RUNDC3B: variants seen among roughly 807,000 people sequenced by gnomAD.
RUNDC3B encodes RUN domain containing 3B.
RUNDC3B carries 33 observed loss-of-function variants against 58.4 expected under a neutral mutation model. The ratio of observed to expected loss-of-function variants is 0.56; its 90% CI spans 0.43 to 0.75. The LOEUF (loss-of-function observed/expected upper bound fraction) is 0.75, where lower values mean the gene tolerates loss of function less well. Ranked by LOEUF, RUNDC3B falls within the 30% of genes least tolerant of loss-of-function variation. RUNDC3B has a pLI of 0.00. For synonymous variants in RUNDC3B, 193 were observed against 195.2 expected (o/e 0.99, Z 0.10); for missense variants, 501 against 535.7 (o/e 0.94, Z 0.64).
At position 87,741,555 on chromosome 7, in the gene RUNDC3B, C is replaced by T. The variant is rs1832326440; in HGVS notation, c.605C>T (p.Thr202Ile). 1 of 1,584,672 alleles carries T rather than the reference C, an allele frequency of 6.3e-7. No homozygotes were observed. Among genetic ancestry groups the T allele is most frequent in the Non-Finnish European group, 8.6e-7 (1 of 1,158,778 alleles). ...AGTTTTCCTGCTGTAATAGACTATA[C>T]ACCATATTTGAAGTATATCCAAAGG... ...DGSFPAVIDYTPYLKYIQSSD... is the reference protein window; with the variant it reads ...DGSFPAVIDYIPYLKYIQSSD... The change falls in exon 6 of 11, where the codon ACA becomes ATA. Residue 202 changes from threonine (T) to isoleucine (I), a missense_variant. Physicochemically the swap from Thr to Ile is moderately conservative, Grantham distance 89. Transcript: ENST00000394654.
At chr7:87,764,411 C>CT (rs1270318633) in intron 6 of RUNDC3B, among the ~76,000 whole-genome samples, 1 of 151,762 alleles carries the variant, frequency 6.6e-6, no homozygotes, top group Admixed American at 6.6e-5. Flanking sequence ...TGAATGAGCT[C>CT]TTTTGAAAAA....
rs185933515 is a variant in RUNDC3B, at chr7:87,759,572, G to A, written c.630-11009G>A. Among the ~76,000 whole-genome samples the A allele has an allele frequency of 1.2e-3, 180 of 152,126 alleles. 1 individual carries two copies. The highest frequency in any genetic ancestry group is 1.3e-4 in the Non-Finnish European group (9 of 67,982). On this transcript the variant is annotated intron_variant, in intron 6 of 10. Transcript: ENST00000394654. ...AGTACTTTGGGAGTCTGAGGCAGGG[G>A]GATCACTTGAGGCCAGGAGTTCAAG...
intron 4 of RUNDC3B, among the ~76,000 whole-genome samples, chr7:87,733,496 C>G (rs1831723324): frequency 6.6e-6 from 1 of 152,072 alleles, no homozygotes; most frequent in South Asian, 2.1e-4. Flanking sequence ...TCAGAGGACA[C>G]CATAAAGAAG....
intron 8 of RUNDC3B, among the ~76,000 whole-genome samples, chr7:87,805,221 T>C (rs924596832): frequency 6.6e-6 from 1 of 152,192 alleles, no homozygotes; most frequent in Non-Finnish European, 1.5e-5. Context: ...AAACAGACTC[T>C]AGTCAAGATT....
intron 7 of RUNDC3B, among the ~76,000 whole-genome samples, chr7:87,774,577 G>T (rs1834513931): frequency 1.3e-5 from 2 of 151,970 alleles, no homozygotes; most frequent in South Asian, 2.1e-4. Context: ...AATTATTAGA[G>T]AATATTTTAA....
At chr7:87,695,704 A>G (rs1828440350) in intron 2 of RUNDC3B, among the ~76,000 whole-genome samples, 1 of 152,118 alleles carries the variant, frequency 6.6e-6, no homozygotes, top group Non-Finnish European at 1.5e-5. Context: ...TAACAGATTC[A>G]TTTATATTTT....
At chr7:87,652,472 C>G (rs1284349710) in intron 2 of RUNDC3B, among the ~76,000 whole-genome samples, 1 of 151,852 alleles carries the variant, frequency 6.6e-6, no homozygotes, top group Non-Finnish European at 1.5e-5. Flanking sequence ...TACTATAATG[C>G]AAATAGAATC....
chr7:87,828,323 A>C (rs1837948479), intron 10 of RUNDC3B, among the ~76,000 whole-genome samples: 1 of 152,124 alleles, frequency 6.6e-6, no homozygotes, highest in Non-Finnish European at 1.5e-5. Flanking sequence ...CCATCACCCA[A>C]GTAGTTAGCA....
Position 87,831,333 on chromosome 7 carries a change from AT to A in RUNDC3B, c.*1305del, listed in dbSNP as rs1838119093. On this transcript the variant is annotated 3_prime_UTR_variant, in exon 11 of 11. Coordinates refer to ENST00000394654, the MANE Select transcript of RUNDC3B (RefSeq NM_001134405.2). ...TTGAGAAAAGAGCTGAGGTTACCAC[AT>A]TCATTCTTTGTGTTAGAAATGTAGG... is the stretch of plus-strand genomic sequence containing the variant. The A allele has an allele frequency of 6.6e-6, 1 of 151,872 alleles. No homozygotes were observed. The highest frequency in any genetic ancestry group is 6.6e-5 in the Admixed American group (1 of 15,206). 9.4% of individuals were successfully genotyped at this position (151,872 alleles called of 1,614,324 possible).
chr7:87,813,378 G>C (rs1465752018), intron 9 of RUNDC3B, among the ~76,000 whole-genome samples: 1 of 152,136 alleles, frequency 6.6e-6, no homozygotes, highest in African/African-American at 2.4e-5. Flanking sequence ...TAGTGTTGGA[G>C]ATTATTGTAA....
intron 3 of RUNDC3B, chr7:87,709,580 GC>G: frequency 2.1e-6 from 2 of 937,332 alleles, no homozygotes; most frequent in Non-Finnish European, 2.5e-6. Context: ...GCTGCTTCTA[GC>G]CTGACAGGTT....
chr7:87,741,698 T>A, intron 6 of RUNDC3B, 119 bp downstream of exon 6: 1 of 601,138 alleles, frequency 1.7e-6, no homozygotes, highest in Non-Finnish European at 2.9e-6. Context: ...CAGAAATCAT[T>A]AAAGGGTACA....
chr7:87,661,257 AC>A (rs1824684995), intron 2 of RUNDC3B, among the ~76,000 whole-genome samples: 2 of 151,924 alleles, frequency 1.3e-5, no homozygotes, highest in African/African-American at 4.8e-5. Context: ...TTTTTGCATT[AC>A]AAACAATTCA....
Position 87,770,574 on chromosome 7 carries a change from T to G in RUNDC3B, c.630-7T>G. ...TTAACTTTTTTTTAAAATTTTGATC[T>G]TCCCAGTTCTGATAGTATCAGCAGT... On this transcript the variant is annotated splice_region_variant and splice_polypyrimidine_tract_variant and intron_variant, in intron 6 of 10. Transcript: ENST00000394654. The G allele has an allele frequency of 6.2e-7, 1 of 1,600,408 alleles. No individual in the cohort carries two copies. Among genetic ancestry groups the G allele is most frequent in the Non-Finnish European group, 8.5e-7 (1 of 1,175,484 alleles).
rs1382052499 is a variant in RUNDC3B, at chr7:87,831,853, T to A, written c.*1823T>A. 6.6e-6 allele frequency: 1 copy of A among 151,970 alleles called. No homozygotes were observed. Among genetic ancestry groups the A allele is most frequent in the Non-Finnish European group, 1.5e-5 (1 of 67,890 alleles). The allele number at this position is 151,970 out of a possible 1,614,324, so 9.4% of individuals were successfully genotyped here. A position where few individuals can be genotyped will look rare whatever the true frequency, so the allele number is the denominator to read the frequency against. Reference sequence around the variant, plus strand: ...TTCATGGTCCACTCTCAACCAACATTTATTATCCTTTAGTAATTAAACAAT... The same window carrying A: ...TTCATGGTCCACTCTCAACCAACATATATTATCCTTTAGTAATTAAACAAT... On this transcript the variant is annotated 3_prime_UTR_variant, in exon 11 of 11. Coordinates refer to ENST00000394654, the MANE Select transcript of RUNDC3B (RefSeq NM_001134405.2).
chr7:87,679,405 T>C (rs1025013388), intron 2 of RUNDC3B, among the ~76,000 whole-genome samples: 3 of 149,624 alleles, frequency 2.0e-5, no homozygotes, highest in Non-Finnish European at 3.0e-5. Context: ...CAACTTTTTT[T>C]TAAGACAGGA....
intron 2 of RUNDC3B, among the ~76,000 whole-genome samples, chr7:87,668,961 G>A (rs1825551442): frequency 1.3e-5 from 2 of 152,170 alleles, no homozygotes; most frequent in African/African-American, 4.8e-5. Context: ...GGTGTTTTTT[G>A]GTGGAGAGTT....
At chr7:87,704,115 T>G (rs750028139) in intron 3 of RUNDC3B, among the ~76,000 whole-genome samples, 1 of 151,842 alleles carries the variant, frequency 6.6e-6, no homozygotes, top group African/African-American at 2.4e-5. Context: ...GATACAGGGT[T>G]TCACCATATT....
At chr7:87,816,116 G>A (rs1216675077) in intron 9 of RUNDC3B, 25 bp from the exon 10 acceptor site, 1 of 1,522,022 alleles carries the variant, frequency 6.6e-7, no homozygotes, top group East Asian at 2.3e-5. Context: ...AGAAATTCAA[G>A]TAGTATTTCA....
Sources: allele counts gnomAD v4.1 joint callset (sites outside exome capture counted in the v4.1 genomes callset), GRCh38; gene constraint gnomAD v4.1.1; transcripts MANE v1.5; gene names NCBI Gene and HGNC (gene_info 2026-07-23, HGNC 2026-07-21).